Variants in CEBPZOS observed in about 807,000 individuals in gnomAD.
The protein encoded by CEBPZOS is protein CEBPZOS.
Under a neutral mutation model 4.8 loss-of-function variants are expected in CEBPZOS, and 10 were observed. That is an observed-to-expected ratio of 2.07 (90% CI 1.28 to 3.52). The LOEUF (loss-of-function observed/expected upper bound fraction) is 3.52, where lower values mean the gene tolerates loss of function less well. Ranked by LOEUF, CEBPZOS falls within the 30% of genes most tolerant of loss-of-function variation. CEBPZOS has a pLI of 0.00. For missense variants in CEBPZOS, 98 were observed against 43.6 expected (o/e 2.25, Z -3.51); for synonymous variants, 25 against 14.2 (o/e 1.77, Z -1.72).
intron 3 of CEBPZOS, 97 bp from the exon 4 acceptor site, chr2:37,201,545 G>A: frequency 3.2e-6 from 2 of 622,176 alleles, no homozygotes; most frequent in Non-Finnish European, 5.8e-6. Context: ...ATTTTGTTAT[G>A]TAGCAATATG....
chr2:37,198,509 C>T (rs1223866110), intron 1 of CEBPZOS: 3 of 151,930 alleles, frequency 2.0e-5, no homozygotes, highest in African/African-American at 4.8e-5. Context: ...GAAAAGGGGT[C>T]GGAAGTGAAT....
At chr2:37,205,731 A>G (rs1376785972), downstream of CEBPZOS, among the ~76,000 whole-genome samples, 2 of 152,208 alleles carry the variant, frequency 1.3e-5, no homozygotes, top group Non-Finnish European at 2.9e-5. Context: ...ACTGGAGGCA[A>G]AGTATGTACA....
chr2:37,203,037 C>T lies in CEBPZOS; in HGVS notation c.*1177C>T. ...AAAAAAATTGTAAGTCTACATTATT[C>T]AATTATAAATCTAATGATTTTAGAA... On this transcript the variant is annotated 3_prime_UTR_variant, in exon 5 of 5. Coordinates refer to ENST00000402297, the MANE Select transcript of CEBPZOS (RefSeq NM_001322374.2). The T allele has an allele frequency of 7.2e-7, 1 of 1,398,122 alleles. No individual in the cohort carries two copies. Among genetic ancestry groups the T allele is most frequent in the Non-Finnish European group, 9.7e-7 (1 of 1,029,588 alleles). The allele number at this position is 1,398,122 out of a possible 1,614,324, so 86.6% of individuals were successfully genotyped here.
At chr2:37,213,060 AC>A (rs966798772) in intron 4 of CEBPZOS, among the ~76,000 whole-genome samples, 16 of 151,662 alleles carry the variant, frequency 1.1e-4, no homozygotes, top group Middle Eastern at 3.4e-3. Context: ...AAACAAACAA[AC>A]CCCCCAAAAA....
chr2:37,212,214 C>T, intron 4 of CEBPZOS: 1 of 1,029,786 alleles, frequency 9.7e-7, no homozygotes. Flanking sequence ...ACTGTATCCA[C>T]TTCCCAAACT....
exon 5 of CEBPZOS, chr2:37,213,578 A>T (rs1274917983): frequency 4.1e-6 from 1 of 243,892 alleles, no homozygotes; most frequent in Non-Finnish European, 8.0e-6. Flanking sequence ...TGCCCAGCTC[A>T]TTTTTTGGGG....
Position 37,203,180 on chromosome 2 carries a change from A to G in CEBPZOS, c.*1320A>G. 2.2e-6 allele frequency: 1 copy of G among 453,788 alleles called. No individual in the cohort carries two copies. The highest frequency in any genetic ancestry group is 3.9e-6 in the Non-Finnish European group (1 of 256,006). 28.1% of individuals were successfully genotyped at this position (453,788 alleles called of 1,614,324 possible). The stretch of plus-strand genomic sequence containing the variant: ...AATATAATTTAAGAGTTAGTATATA[A>G]TATTTTCAAAAAGCTAACAACATCC... On this transcript the variant is annotated 3_prime_UTR_variant, in exon 5 of 5. Coordinates refer to ENST00000402297, the MANE Select transcript of CEBPZOS (RefSeq NM_001322374.2).
At chr2:37,211,201 T>C (rs191323391) in intron 4 of CEBPZOS, 74 of 585,768 alleles carry the variant, frequency 1.3e-4, no homozygotes, top group African/African-American at 1.2e-3. Flanking sequence ...CTATTCCATG[T>C]GGGTTTTGTA....
downstream of CEBPZOS, among the ~76,000 whole-genome samples, chr2:37,207,177 T>C (rs1338169339): frequency 6.6e-6 from 1 of 152,120 alleles, no homozygotes. Context: ...ACCTAAGAAA[T>C]TAGACAGATG....
chr2:37,212,757 G>C (rs971556189), intron 4 of CEBPZOS: 1 of 177,088 alleles, frequency 5.6e-6, no homozygotes, highest in African/African-American at 2.4e-5. Flanking sequence ...AACATCTCAT[G>C]CTTGTAATTC....
intron 4 of CEBPZOS, chr2:37,209,757 C>A (rs1393425715): frequency 6.6e-6 from 1 of 152,040 alleles, no homozygotes; most frequent in African/African-American, 2.4e-5. Flanking sequence ...AACCTAAATG[C>A]AAATGCAACA....
At chr2:37,198,591 G>GA (rs1168650001) in intron 1 of CEBPZOS, 2 of 152,194 alleles carry the variant, frequency 1.3e-5, no homozygotes, top group African/African-American at 4.8e-5. Context: ...AGAAAAATCT[G>GA]AAAAACAAGT....
chr2:37,214,859 C>T (rs771422157), downstream of CEBPZOS: 40 of 1,464,390 alleles, frequency 2.7e-5, 1 homozygote, highest in Non-Finnish European at 7.5e-6. Flanking sequence ...GCAGTTTCCC[C>T]AAATGAAACT....
chr2:37,200,989 G>A (rs1677200568), intron 2 of CEBPZOS, 59 bp from the exon 3 acceptor site: 5 of 707,426 alleles, frequency 7.1e-6, no homozygotes, highest in Non-Finnish European at 1.3e-5. Context: ...AATTGTGGCT[G>A]TGTTAATATA....
chr2:37,207,644 C>G (rs866560548), downstream of CEBPZOS, among the ~76,000 whole-genome samples: 1 of 152,268 alleles, frequency 6.6e-6, no homozygotes, highest in South Asian at 2.1e-4. Flanking sequence ...TGGGATACAG[C>G]AAAAGCGGCA....
intron 4 of CEBPZOS, chr2:37,210,888 C>A: frequency 1.8e-6 from 1 of 561,444 alleles, no homozygotes; most frequent in South Asian, 4.0e-5. Context: ...AAAGAACCCC[C>A]CCCACCCCTG....
intron 4 of CEBPZOS, chr2:37,211,526 T>C (rs1677720130): frequency 3.6e-6 from 1 of 280,256 alleles, no homozygotes; most frequent in Non-Finnish European, 6.6e-6. Context: ...TGATGAATAC[T>C]GATTAACTTT....
chr2:37,212,220 A>C, intron 4 of CEBPZOS: 1 of 1,078,358 alleles, frequency 9.3e-7, no homozygotes, highest in Non-Finnish European at 1.4e-6. Context: ...TCCACTTCCC[A>C]AACTTACTTG....
downstream of CEBPZOS, chr2:37,214,953 C>T (rs1677832872): frequency 6.2e-7 from 1 of 1,600,092 alleles, no homozygotes; most frequent in Non-Finnish European, 8.6e-7. Context: ...TTACTGTTCA[C>T]TACAAAAATA....
Sources: allele counts gnomAD v4.1 joint callset (sites outside exome capture counted in the v4.1 genomes callset), GRCh38; gene constraint gnomAD v4.1.1; transcripts MANE v1.5; gene names NCBI Gene and HGNC (gene_info 2026-07-23, HGNC 2026-07-21).